Variants in DZIP1 observed in about 807,000 individuals in gnomAD.
DZIP1 encodes the protein cilium assembly protein DZIP1.
In DZIP1, 97 loss-of-function variants were observed where a neutral mutation model predicts 107.6. The ratio of observed to expected loss-of-function variants is 0.90; its 90% CI spans 0.77 to 1.07. The LOEUF is 1.07. Ranked by LOEUF, DZIP1 falls within the 50% of genes least tolerant of loss-of-function variation. DZIP1 has a pLI of 0.00. For missense variants in DZIP1, 1,035 were observed against 1,063.6 expected (o/e 0.97, Z 0.37); for synonymous variants, 390 against 386.4 (o/e 1.01, Z -0.11).
At chr13:95,589,566 T>C (rs183290083) in intron 18 of DZIP1, among the ~76,000 whole-genome samples, 1 of 152,296 alleles carries the variant, frequency 6.6e-6, no homozygotes, top group African/African-American at 2.4e-5. Context: ...GAGGAAGCGA[T>C]GTATCTCCTT....
chr13:95,628,199 CACTT>C (rs1441708263), intron 7 of DZIP1, among the ~76,000 whole-genome samples: 3 of 152,138 alleles, frequency 2.0e-5, no homozygotes. Flanking sequence ...CATGCCACCA[CACTT>C]AGCTAATTTT....
rs1555308785 is a variant in DZIP1 at position 95,610,111 on chromosome 13, T to TGAGAGAGA, written c.1364-606_1364-599dup. On this transcript the variant is annotated intron_variant, in intron 12 of 22. Transcript: ENST00000376829. ...GTGTGTGTGTGTGTGTGTGTGTGTG[T>TGAGAGAGA]GAGAGAGAGACAGAGAGAGAGAGAC... is the stretch of plus-strand genomic sequence containing the variant. Among the ~76,000 whole-genome samples, 148 of 126,760 alleles carry TGAGAGAGA rather than the reference T, an allele frequency of 1.2e-3. 4 individuals are homozygous for TGAGAGAGA. Among genetic ancestry groups the TGAGAGAGA allele is most frequent in the Middle Eastern group, 8.3e-3 (2 of 242 alleles). 83.2% of individuals were successfully genotyped at this position (126,760 alleles called of 152,430 possible). A position where few individuals can be genotyped will look rare whatever the true frequency, so the allele number is the denominator to read the frequency against.
chr13:95,597,707 C>A (rs568710436), intron 15 of DZIP1, among the ~76,000 whole-genome samples: 1 of 152,086 alleles, frequency 6.6e-6, no homozygotes, highest in Non-Finnish European at 1.5e-5. Flanking sequence ...GTAGACCATG[C>A]GCCCAGGGTT....
intron 10 of DZIP1, among the ~76,000 whole-genome samples, chr13:95,614,125 C>CA (rs11327779): frequency 0.011 from 770 of 73,328 alleles, 7 homozygotes; most frequent in African/African-American, 0.03. Context: ...GACCCTGTCT[C>CA]AAAAAAAAAA....
At chr13:95,627,217 T>C (rs1393655396) in intron 7 of DZIP1, among the ~76,000 whole-genome samples, 1 of 152,160 alleles carries the variant, frequency 6.6e-6, no homozygotes. Flanking sequence ...ACATCTATGG[T>C]CAACTGATCT....
chr13:95,585,479 A>G (rs1405940354), intron 21 of DZIP1, among the ~76,000 whole-genome samples: 1 of 152,232 alleles, frequency 6.6e-6, no homozygotes, highest in Non-Finnish European at 1.5e-5. Flanking sequence ...ACCAGTCAAC[A>G]CAGATGAGCT....
Position 95,579,946 on chromosome 13 carries a change from C to T in DZIP1, c.*2288G>A, listed in dbSNP as rs890953960. 1.3e-5 allele frequency: 2 copies of T among 152,100 alleles called. No homozygotes were observed. The highest frequency in any genetic ancestry group is 2.9e-5 in the Non-Finnish European group (2 of 68,010). The allele number at this position is 152,100 out of a possible 1,614,324, so 9.4% of individuals were successfully genotyped here. A position where few individuals can be genotyped will look rare whatever the true frequency, so the allele number is the denominator to read the frequency against. On this transcript the variant is annotated 3_prime_UTR_variant, in exon 23 of 23. Transcript: ENST00000376829. ...TTTAGGGAGGGTGGGGGATGAAGGT[C>T]TGTTAGTAACCAGAAACACATTAGT...
rs1327817074 is a variant in DZIP1, at chr13:95,579,286, G to T, written c.*2948C>A. On this transcript the variant is annotated 3_prime_UTR_variant, in exon 23 of 23. Transcript: ENST00000376829. ...ACTTGTCATTTCTAAAGACATTTAA[G>T]TTGCTCCAGGGATTTCTGAAAAAAG... 6.6e-6 allele frequency: 1 copy of T among 152,150 alleles called. No individual in the cohort carries two copies. Among genetic ancestry groups the T allele is most frequent in the East Asian group, 1.9e-4 (1 of 5,200 alleles). The allele number at this position is 152,150 out of a possible 1,614,324, so 9.4% of individuals were successfully genotyped here.
At chr13:95,625,031 T>C in intron 7 of DZIP1, 102 bp from the exon 8 acceptor site, 1 of 1,028,010 alleles carries the variant, frequency 9.7e-7, no homozygotes, top group Non-Finnish European at 1.4e-6. Context: ...TGTTAGCTAG[T>C]ATTGCTTATT....
chr13:95,625,822 T>C (rs1876472748), intron 7 of DZIP1, among the ~76,000 whole-genome samples: 2 of 152,080 alleles, frequency 1.3e-5, no homozygotes, highest in South Asian at 4.1e-4. Flanking sequence ...TGTAAGAGCC[T>C]ACATTTAAAA....
Position 95,581,181 on chromosome 13 carries a change from T to C in DZIP1, c.*1053A>G, listed in dbSNP as rs1018141039. The stretch of plus-strand genomic sequence containing the variant: ...AAAGAGATCTAAAACCCAACAAATC[T>C]TTTAGTTAAAAGGTTACTTGGAAAC... On this transcript the variant is annotated 3_prime_UTR_variant, in exon 23 of 23. Coordinates refer to ENST00000376829, the MANE Select transcript of DZIP1 (RefSeq NM_198968.4). The C allele has an allele frequency of 6.6e-6, 1 of 152,594 alleles. No individual in the cohort carries two copies. Among genetic ancestry groups the C allele is most frequent in the South Asian group, 2.1e-4 (1 of 4,832 alleles). 9.5% of individuals were successfully genotyped at this position (152,594 alleles called of 1,614,324 possible).
chr13:95,598,388 A>G (rs1010633299), intron 15 of DZIP1, among the ~76,000 whole-genome samples: 3 of 152,180 alleles, frequency 2.0e-5, no homozygotes, highest in Non-Finnish European at 4.4e-5. Context: ...GTTACTGATC[A>G]TTAGCATAGC....
At chr13:95,609,135 G>A (rs986671248) in intron 13 of DZIP1, among the ~76,000 whole-genome samples, 3 of 147,356 alleles carry the variant, frequency 2.0e-5, no homozygotes, top group African/African-American at 7.6e-5. Context: ...ACCACACACA[G>A]TCACACAGTC....
At chr13:95,588,887 CAA>C (rs2138803309) in intron 19 of DZIP1, among the ~76,000 whole-genome samples, 1 of 152,268 alleles carries the variant, frequency 6.6e-6, no homozygotes, top group African/African-American at 2.4e-5. Flanking sequence ...AGAAATTACT[CAA>C]CATTGTAGGG....
At chr13:95,587,891 GT>G in intron 19 of DZIP1, 162 bp from the exon 20 acceptor site, 1 of 804,688 alleles carries the variant, frequency 1.2e-6, no homozygotes, top group East Asian at 2.7e-5. Flanking sequence ...GAGGCCAGAG[GT>G]TATACCCACG....
In DZIP1 at chr13:95,641,838, G is replaced by A. The variant is rs1594750683; in HGVS notation, c.54C>T (p.Val18=). 2 of 1,396,024 alleles carry A rather than the reference G, an allele frequency of 1.4e-6. No individual in the cohort carries two copies. Among genetic ancestry groups the A allele is most frequent in the Non-Finnish European group, 1.9e-6 (2 of 1,078,674 alleles). 86.5% of individuals were successfully genotyped at this position (1,396,024 alleles called of 1,614,324 possible). A position where few individuals can be genotyped will look rare whatever the true frequency, so the allele number is the denominator to read the frequency against. The change falls in exon 5 of 23, where the codon GTC becomes GTT. Residue 18 remains valine (V), a synonymous_variant. Coordinates refer to ENST00000376829, the MANE Select transcript of DZIP1 (RefSeq NM_198968.4). This position sits in a 1 kb window ranked among gnomAD's most constrained non-coding sequence, Gnocchi z 4.3. The part of the protein sequence containing the change: ...WFSSMPFQKH[V]YYPLASGPEG... Reference sequence around the variant, plus strand: ...CTGGGCCGCTGGCGAGCGGGTAGTAGACATGCTTCTGGAAGGGCTGCGGGG... The same window carrying A: ...CTGGGCCGCTGGCGAGCGGGTAGTAAACATGCTTCTGGAAGGGCTGCGGGG...
rs374460215 is a variant in DZIP1, at chr13:95,630,813, C to T, written c.686-700G>A. 20 of 1,131,134 alleles carry T rather than the reference C, an allele frequency of 1.8e-5. 1 individual carries two copies. The East Asian group carries it at 7.0e-4, about 40-fold the overall frequency. The allele number at this position is 1,131,134 out of a possible 1,614,324, so 70.1% of individuals were successfully genotyped here. A position where few individuals can be genotyped will look rare whatever the true frequency, so the allele number is the denominator to read the frequency against. ...TAGAAAGTCAGAATCTCAAAGATGA[C>T]CTGAAGAAATAATACTCGTTTCAGA... is the stretch of plus-strand genomic sequence containing the variant. On this transcript the variant is annotated intron_variant, in intron 6 of 22. Coordinates refer to ENST00000376829, the MANE Select transcript of DZIP1 (RefSeq NM_198968.4).
At position 95,630,017 on chromosome 13, in the gene DZIP1, T is replaced by C; in HGVS notation, c.782A>G (p.His261Arg). ...QLTRSELEAA[H>R]HASAVRFSKE... ...GGAGAATCTGACTGCACTGGCATGG[T>C]GTGCAGCCTCTAGCTCAGACCTGGT... Residue 261 changes from histidine to arginine, a missense_variant, in exon 7 of 23, where the codon CAC (histidine) becomes CGC (arginine). His to Arg is a conservative substitution (Grantham distance 29). Coordinates refer to ENST00000376829, the MANE Select transcript of DZIP1 (RefSeq NM_198968.4). The C allele has an allele frequency of 6.2e-7, 1 of 1,613,388 alleles. No individual in the cohort carries two copies. The highest frequency in any genetic ancestry group is 8.5e-7 in the Non-Finnish European group (1 of 1,179,746).
Position 95,635,255 on chromosome 13 carries a change from G to A in DZIP1, c.598-1934C>T, listed in dbSNP as rs1370965782. On this transcript the variant is annotated intron_variant, in intron 5 of 22. Coordinates refer to ENST00000376829, the MANE Select transcript of DZIP1 (RefSeq NM_198968.4). ...TCTGTCACCCAGGCTGGAGTACAGT[G>A]GCGTAATCATGGCTCACTGCAGCTT... Among the ~76,000 whole-genome samples, 4 of 149,146 alleles carry A rather than the reference G, an allele frequency of 2.7e-5. No individual in the cohort carries two copies. The East Asian group carries it at 5.9e-4, about 22-fold the overall frequency.
Sources: allele counts gnomAD v4.1 joint callset (sites outside exome capture counted in the v4.1 genomes callset), GRCh38; gene constraint gnomAD v4.1.1; non-coding constraint Gnocchi (gnomAD v3.1); transcripts MANE v1.5; gene names NCBI Gene and HGNC (gene_info 2026-07-23, HGNC 2026-07-21).